Variants in PLEKHH2 observed in about 807,000 individuals in gnomAD.
PLEKHH2 encodes the protein pleckstrin homology, MyTH4 and FERM domain containing H2.
A neutral mutation model predicts 187.9 loss-of-function variants in PLEKHH2; 129 were observed. That is an observed-to-expected ratio of 0.69 (90% confidence interval 0.59 to 0.79). The LOEUF is 0.79. Ranked by LOEUF, PLEKHH2 falls within the 30% of genes least tolerant of loss-of-function variation. The pLI is 0.00. For synonymous variants in PLEKHH2, 686 were observed against 605.6 expected (o/e 1.13, Z -1.95); for missense variants, 2,076 against 1,751.2 (o/e 1.19, Z -3.31).
In PLEKHH2 at chr2:43,757,235, T is replaced by C. The variant is rs1672247206; in HGVS notation, c.3912T>C (p.Tyr1304=). The C allele has an allele frequency of 6.3e-7, 1 of 1,591,688 alleles. No homozygotes were observed. Among genetic ancestry groups the C allele is most frequent in the South Asian group, 1.2e-5 (1 of 86,500 alleles). ...QVIEKFYPKR[Y]RDGCSEEQLR... ...TAGAGAAATTTTATCCTAAAAGGTA[T>C]AGAGATGGCTGTTCTGAAGAGCAGT... The change falls in exon 26 of 30, where the codon TAT becomes TAC. Residue 1304 remains tyrosine (Y), a synonymous_variant. Coordinates refer to ENST00000282406, the MANE Select transcript of PLEKHH2 (RefSeq NM_172069.4).
At chr2:43,667,350 T>C (rs905323799) in intron 2 of PLEKHH2, among the ~76,000 whole-genome samples, 6 of 152,270 alleles carry the variant, frequency 3.9e-5, no homozygotes, top group African/African-American at 1.4e-4. Flanking sequence ...AAATGTAAAA[T>C]TGTGCAGCCA....
At chr2:43,650,844 A>T (rs1421187834) in intron 2 of PLEKHH2, among the ~76,000 whole-genome samples, 1 of 151,726 alleles carries the variant, frequency 6.6e-6, no homozygotes, top group East Asian at 2.0e-4. Context: ...ACGGGGTTTC[A>T]CTATGTTGGC....
At chr2:43,761,410 C>CTTTTTTTT (rs568339874) in intron 27 of PLEKHH2, among the ~76,000 whole-genome samples, 1 of 117,686 alleles carries the variant, frequency 8.5e-6, no homozygotes, top group Non-Finnish European at 1.8e-5. Flanking sequence ...TAGCTTTTAG[C>CTTTTTTTT]TTTTTTTTTT....
chr2:43,704,585 C>G (rs1669553893), intron 9 of PLEKHH2, among the ~76,000 whole-genome samples: 1 of 145,790 alleles, frequency 6.9e-6, no homozygotes, highest in Non-Finnish European at 1.5e-5. Flanking sequence ...ATGGCGTGAA[C>G]CGAGGAGGTG....
chr2:43,723,287 G>C (rs1670571664), intron 16 of PLEKHH2, among the ~76,000 whole-genome samples: 1 of 152,078 alleles, frequency 6.6e-6, no homozygotes, highest in Non-Finnish European at 1.5e-5. Flanking sequence ...TTCACATTAA[G>C]ACAGATTACA....
intron 7 of PLEKHH2, among the ~76,000 whole-genome samples, 190 bp from the exon 8 acceptor site, chr2:43,699,457 A>T (rs1669245697): frequency 6.6e-6 from 1 of 152,126 alleles, no homozygotes; most frequent in Non-Finnish European, 1.5e-5. Context: ...AGCTCACTGC[A>T]GACTTCAGCT....
At chr2:43,650,166 T>TTC (rs752924347) in intron 2 of PLEKHH2, among the ~76,000 whole-genome samples, 4,966 of 132,946 alleles carry the variant, frequency 0.037, 107 homozygotes, top group Middle Eastern at 0.059. Flanking sequence ...TTTTTTTTTT[T>TTC]CTGAGATGGA....
At chr2:43,714,002 A>G (rs1200191088) in intron 15 of PLEKHH2, among the ~76,000 whole-genome samples, 1 of 152,226 alleles carries the variant, frequency 6.6e-6, no homozygotes, top group East Asian at 1.9e-4. Flanking sequence ...GACTGTGAAA[A>G]TGTTTTCTTA....
chr2:43,638,155 G>T (rs1362150735), intron 1 of PLEKHH2, among the ~76,000 whole-genome samples: 1 of 152,096 alleles, frequency 6.6e-6, no homozygotes, highest in African/African-American at 2.4e-5. Flanking sequence ...TCACCGAAGG[G>T]CAGGCGTTGC....
chr2:43,697,289 A>G lies in PLEKHH2; in HGVS notation c.621A>G (p.Val207=), dbSNP rs1669140196. 1 of 1,613,876 alleles carries G rather than the reference A, an allele frequency of 6.2e-7. No homozygotes were observed. Among genetic ancestry groups the G allele is most frequent in the Non-Finnish European group, 8.5e-7 (1 of 1,179,894 alleles). ...LSRARSPPQV[V]KSEEMSKISS... is the part of the protein sequence containing the mutation. ...GAGCAAGGAGTCCTCCTCAAGTAGT[A>G]AAATCTGAGGAAATGAGCAAGATAT... Residue 207 remains valine, a synonymous_variant, in exon 7 of 30, where the codon GTA becomes GTG. Transcript: ENST00000282406.
At chr2:43,731,872 T>A (rs563768359) in intron 19 of PLEKHH2, among the ~76,000 whole-genome samples, 2 of 152,312 alleles carry the variant, frequency 1.3e-5, no homozygotes, top group African/African-American at 4.8e-5. Context: ...TCATTTCCCC[T>A]TTAACCTCTA....
intron 2 of PLEKHH2, among the ~76,000 whole-genome samples, chr2:43,652,619 A>G (rs1395935433): frequency 6.6e-6 from 1 of 152,210 alleles, no homozygotes; most frequent in East Asian, 1.9e-4. Context: ...TAGTTCCCCA[A>G]CAGGGAGCCC....
At chr2:43,736,700 G>T (rs191163236) in intron 19 of PLEKHH2, among the ~76,000 whole-genome samples, 33 of 152,280 alleles carry the variant, frequency 2.2e-4, no homozygotes, top group African/African-American at 7.9e-4. Context: ...GAGTTGTGGT[G>T]GTTGGTGCCT....
intron 19 of PLEKHH2, among the ~76,000 whole-genome samples, chr2:43,733,691 C>T (rs74581442): frequency 0.02 from 3,045 of 152,222 alleles, 110 homozygotes; most frequent in African/African-American, 0.07. Flanking sequence ...GTATGATATA[C>T]ATTAAAATAC....
intron 2 of PLEKHH2, among the ~76,000 whole-genome samples, chr2:43,645,251 T>A (rs1666130042): frequency 6.6e-6 from 1 of 152,290 alleles, no homozygotes; most frequent in African/African-American, 2.4e-5. Context: ...TGGGCTAGAA[T>A]TGAGTTTAAA....
chr2:43,639,841 G>A (rs1186644096), intron 1 of PLEKHH2, among the ~76,000 whole-genome samples: 1 of 151,922 alleles, frequency 6.6e-6, no homozygotes, highest in Non-Finnish European at 1.5e-5. Context: ...ATTTTTAGTA[G>A]AGACGGGGTT....
intron 24 of PLEKHH2, among the ~76,000 whole-genome samples, chr2:43,751,273 T>C (rs1179226821): frequency 6.6e-6 from 1 of 152,210 alleles, no homozygotes; most frequent in East Asian, 1.9e-4. Flanking sequence ...TCTGAGCAGA[T>C]GACTGGAAGT....
chr2:43,698,241 T>C (rs2104479726), intron 7 of PLEKHH2, among the ~76,000 whole-genome samples: 1 of 141,180 alleles, frequency 7.1e-6, no homozygotes, highest in East Asian at 2.0e-4. Flanking sequence ...TGCTCTTCTC[T>C]TCTCTCTCTC....
chr2:43,734,155 T>C (rs2104578564), intron 19 of PLEKHH2, among the ~76,000 whole-genome samples: 1 of 152,318 alleles, frequency 6.6e-6, no homozygotes, highest in Non-Finnish European at 1.5e-5. Flanking sequence ...CAATGAGGCC[T>C]AAAGTACTCA....
Sources: allele counts gnomAD v4.1 joint callset (sites outside exome capture counted in the v4.1 genomes callset), GRCh38; gene constraint gnomAD v4.1.1; transcripts MANE v1.5; gene names NCBI Gene and HGNC (gene_info 2026-07-23, HGNC 2026-07-21).